AFF3: variants seen among roughly 807,000 people sequenced by gnomAD.
AFF3 encodes ALF transcription elongation factor 3.
A neutral mutation model predicts 129.7 loss-of-function variants in AFF3; 32 were observed. The observed-to-expected ratio is 0.25, with a 90% CI of 0.19 to 0.33. The LOEUF is 0.33. Among genes scored for constraint, AFF3 ranks in the 10% least tolerant of loss-of-function variants. AFF3 has a pLI of 1.00. For missense variants in AFF3, 1,373 were observed against 1,592.0 expected, an observed-to-expected ratio of 0.86 and a Z score of 2.34; for synonymous variants, 644 against 635.4, an observed-to-expected ratio of 1.01 and a Z score of -0.20.
At position 99,559,983 on chromosome 2, in the gene AFF3, G is replaced by A. The variant is rs571187751; in HGVS notation, c.3191+382C>T. On this transcript the variant is annotated intron_variant, in intron 21 of 24. Coordinates refer to ENST00000672756, the MANE Select transcript of AFF3 (RefSeq NM_001386135.1). The stretch of plus-strand genomic sequence containing the variant: ...CATTTTCAAAGTAAGCGGCTGCGCC[G>A]GGTGCGATGGCTCACGCCTGTAATC... Among the ~76,000 whole-genome samples, 8 of 152,336 alleles carry A rather than the reference G, an allele frequency of 5.3e-5. No individual in the cohort carries two copies. The South Asian group carries it at 1.2e-3, about 24-fold the overall frequency.
At chr2:100,139,982 A>G (rs1454392001) in intron 1 of AFF3, among the ~76,000 whole-genome samples, 1 of 152,260 alleles carries the variant, frequency 6.6e-6, no homozygotes, top group Non-Finnish European at 1.5e-5. Context: ...GGGTCATTTG[A>G]AAGAACAAGT....
At chr2:99,683,047 G>T (rs972144393) in intron 11 of AFF3, among the ~76,000 whole-genome samples, 8 of 152,174 alleles carry the variant, frequency 5.3e-5, no homozygotes, top group Non-Finnish European at 1.2e-4. Context: ...CTCCTGATGG[G>T]TTTGGAAGGC....
intron 8 of AFF3, among the ~76,000 whole-genome samples, chr2:99,763,387 G>A (rs1222965246): frequency 2.0e-5 from 3 of 152,020 alleles, no homozygotes; most frequent in Non-Finnish European, 2.9e-5. Context: ...CATTCATATC[G>A]ATTAATATTA....
At chr2:100,123,135 A>G (rs1275902309) in intron 2 of AFF3, among the ~76,000 whole-genome samples, 1 of 152,228 alleles carries the variant, frequency 6.6e-6, no homozygotes, top group Non-Finnish European at 1.5e-5. Context: ...TGGCTTTACT[A>G]ACATCCACTA....
chr2:99,625,286 C>T (rs140425738), intron 13 of AFF3, among the ~76,000 whole-genome samples: 28 of 152,176 alleles, frequency 1.8e-4, no homozygotes, highest in African/African-American at 6.3e-4. Flanking sequence ...CAGGGCACCC[C>T]GTGAAATTTG....
chr2:99,844,747 T>C (rs1689600706), intron 7 of AFF3, among the ~76,000 whole-genome samples: 2 of 152,138 alleles, frequency 1.3e-5, no homozygotes, highest in Non-Finnish European at 2.9e-5. Flanking sequence ...CTTTTTACAA[T>C]GATTTTACTG....
chr2:99,693,498 C>G (rs539100085), intron 11 of AFF3, among the ~76,000 whole-genome samples: 1 of 151,886 alleles, frequency 6.6e-6, no homozygotes, highest in East Asian at 1.9e-4. Flanking sequence ...AAGAAAAATG[C>G]ATAATTTTTT....
intron 7 of AFF3, among the ~76,000 whole-genome samples, chr2:99,973,417 C>T (rs548335022): frequency 4.6e-5 from 7 of 152,330 alleles, no homozygotes; most frequent in African/African-American, 1.4e-4. Context: ...GTTCTACTGG[C>T]TCCACTTTCC....
intron 13 of AFF3, among the ~76,000 whole-genome samples, chr2:99,647,258 C>T (rs1008186026): frequency 1.3e-5 from 2 of 152,194 alleles, no homozygotes; most frequent in African/African-American, 2.4e-5. Context: ...CCCAAATGCC[C>T]ATTAACGATA....
chr2:99,567,455 A>G (rs1191906377), intron 19 of AFF3, among the ~76,000 whole-genome samples: 2 of 152,200 alleles, frequency 1.3e-5, no homozygotes, highest in Admixed American at 1.3e-4. Context: ...TCAAAGTGCA[A>G]GGCAGTCTGT....
chr2:100,070,991 C>A (rs1688140236), intron 4 of AFF3, among the ~76,000 whole-genome samples: 1 of 151,950 alleles, frequency 6.6e-6, no homozygotes, highest in Non-Finnish European at 1.5e-5. Flanking sequence ...ATTAAAATTG[C>A]TGATAGGAAT....
intron 9 of AFF3, among the ~76,000 whole-genome samples, chr2:99,750,914 A>G (rs573503519): frequency 6.6e-6 from 1 of 152,300 alleles, no homozygotes; most frequent in East Asian, 1.9e-4. Flanking sequence ...TATACAAAAT[A>G]TTTTGCTGCT....
At chr2:100,020,085 C>T (rs942482570) in intron 4 of AFF3, among the ~76,000 whole-genome samples, 1 of 152,172 alleles carries the variant, frequency 6.6e-6, no homozygotes, top group African/African-American at 2.4e-5. Context: ...TCTATACTTG[C>T]TGTCTCTCTC....
At chr2:100,043,123 C>T (rs929150072) in intron 4 of AFF3, among the ~76,000 whole-genome samples, 1 of 152,002 alleles carries the variant, frequency 6.6e-6, no homozygotes, top group Non-Finnish European at 1.5e-5. Flanking sequence ...TTTCACATTC[C>T]TATGCCCAGA....
intron 7 of AFF3, among the ~76,000 whole-genome samples, chr2:99,986,294 T>C (rs565707843): frequency 1.1e-4 from 16 of 151,082 alleles, no homozygotes; most frequent in Admixed American, 8.6e-4. Context: ...GTGTCAACCA[T>C]AGCGTTTACT....
intron 13 of AFF3, among the ~76,000 whole-genome samples, chr2:99,637,185 G>A (rs145511045): frequency 6.6e-6 from 1 of 152,328 alleles, no homozygotes; most frequent in African/African-American, 2.4e-5. Context: ...ATGAAAAACA[G>A]AACAAAACAA....
intron 8 of AFF3, among the ~76,000 whole-genome samples, chr2:99,756,954 C>G (rs1265529168): frequency 6.6e-6 from 1 of 152,238 alleles, no homozygotes; most frequent in Non-Finnish European, 1.5e-5. Context: ...GCAGCCCTGA[C>G]ATAACTCCTT....
intron 9 of AFF3, among the ~76,000 whole-genome samples, chr2:99,749,693 T>A (rs753837898): frequency 6.6e-6 from 1 of 152,230 alleles, no homozygotes; most frequent in Non-Finnish European, 1.5e-5. Flanking sequence ...TGGGTTCTGA[T>A]GTCAATTCCA....
chr2:99,938,007 G>A (rs1483924267), intron 7 of AFF3, among the ~76,000 whole-genome samples: 1 of 152,154 alleles, frequency 6.6e-6, no homozygotes, highest in Non-Finnish European at 1.5e-5. Context: ...TGTGGATCCT[G>A]GCTCCATCAT....
Sources: allele counts gnomAD v4.1 joint callset (sites outside exome capture counted in the v4.1 genomes callset), GRCh38; gene constraint gnomAD v4.1.1; transcripts MANE v1.5; gene names NCBI Gene and HGNC (gene_info 2026-07-23, HGNC 2026-07-21).